The following TPTE2 variants were observed in gnomAD, a reference collection of about 807,000 sequenced individuals.
TPTE2 encodes phosphatidylinositol 3,4,5-trisphosphate 3-phosphatase TPTE2.
In TPTE2, 53 loss-of-function variants were observed where a neutral mutation model predicts 78.6. That is an observed-to-expected ratio of 0.67 (90% CI 0.54 to 0.85). TPTE2 has a LOEUF of 0.85. Ranked by LOEUF, TPTE2 falls within the 40% of genes least tolerant of loss-of-function variation. The probability of loss-of-function intolerance (pLI) is 0.00; values close to 1 mark genes in which losing one functional copy is unlikely to be tolerated. For synonymous variants in TPTE2, 175 were observed against 206.2 expected (o/e 0.85, Z 1.30); for missense variants, 461 against 623.0 (o/e 0.74, Z 2.77).
chr13:19,448,427 G>C (rs530089512), intron 13 of TPTE2, among the ~76,000 whole-genome samples: 1 of 152,056 alleles, frequency 6.6e-6, no homozygotes, highest in Non-Finnish European at 1.5e-5. Context: ...GCATACATTC[G>C]ATAATAGGTT....
chr13:19,539,986 A>G (rs975863945), upstream of TPTE2, among the ~76,000 whole-genome samples: 7 of 152,086 alleles, frequency 4.6e-5, no homozygotes, highest in Non-Finnish European at 1.0e-4. Flanking sequence ...CTCTACTAAA[A>G]GTGCAAAATT....
chr13:19,432,610 G>A (rs779987289), intron 15 of TPTE2, 32 bp from the exon 19 acceptor site: 5 of 1,416,410 alleles, frequency 3.5e-6, no homozygotes, highest in Non-Finnish European at 4.9e-6. Context: ...CCTTTAAGTG[G>A]AGATGAAAAG....
chr13:19,535,522 T>C lies in TPTE2; in HGVS notation c.-44+1074A>G, dbSNP rs953236459. 6.6e-6 allele frequency among the ~76,000 whole-genome samples: 1 copy of C among 151,956 alleles called. No individual in the cohort carries two copies. The highest frequency in any genetic ancestry group is 2.4e-5 in the African/African-American group (1 of 41,418). On this transcript the variant is annotated intron_variant, in intron 1 of 17. Coordinates refer to the TPTE2 transcript ENST00000390680. The surrounding 1 kb of genome is among the most constrained non-coding windows in gnomAD (Gnocchi z 5.1). ...AAACAAAGCAAAACCAAAACAAAAC[T>C]CTATAGAAAGATATTATAAAATCAA...
At chr13:19,500,920 A>G in intron 1 of TPTE2, among the ~76,000 whole-genome samples, 1 of 144,322 alleles carries the variant, frequency 6.9e-6, no homozygotes, top group Non-Finnish European at 1.5e-5. Context: ...TCAGCCCAAA[A>G]TCTCCTTAAG....
intron 6 of TPTE2, 23 bp from the exon 10 acceptor site, chr13:19,467,367 AAAAAGTTCAT>A (rs1438912303): frequency 6.1e-6 from 9 of 1,468,200 alleles, no homozygotes; most frequent in Non-Finnish European, 8.1e-6. Flanking sequence ...AAAAAAAAAA[AAAAAGTTCAT>A]TTCCCTCTGC....
At chr13:19,560,807 C>G in the TPTE2 span, 1 of 1,503,116 alleles carries the variant, frequency 6.7e-7, no homozygotes, top group Non-Finnish European at 9.1e-7. Context: ...TGTACTCCCG[C>G]CCACCCCGGA....
the TPTE2 span, among the ~76,000 whole-genome samples, chr13:19,561,449 T>C: frequency 6.6e-6 from 1 of 151,918 alleles, no homozygotes; most frequent in Non-Finnish European, 1.5e-5. Context: ...GGAAGTTGCC[T>C]AAAGTTGCTA....
intron 6 of TPTE2, among the ~76,000 whole-genome samples, chr13:19,468,542 T>C (rs1879428934): frequency 6.6e-6 from 1 of 152,168 alleles, no homozygotes; most frequent in Non-Finnish European, 1.5e-5. Flanking sequence ...AGCAGTGGGA[T>C]TGCTGGATCA....
chr13:19,431,100 C>T (rs1167145230), intron 16 of TPTE2, among the ~76,000 whole-genome samples: 2 of 150,286 alleles, frequency 1.3e-5, no homozygotes, highest in Non-Finnish European at 3.0e-5. Context: ...GCACTCCAGC[C>T]TGGGTGACAG....
chr13:19,460,931 T>C (rs1878849118), intron 10 of TPTE2, among the ~76,000 whole-genome samples: 1 of 152,160 alleles, frequency 6.6e-6, no homozygotes, highest in African/African-American at 2.4e-5. Context: ...AGAATACACA[T>C]TTTGGGTTAT....
At chr13:19,429,537 T>C (rs1876397859) in intron 17 of TPTE2, among the ~76,000 whole-genome samples, 1 of 152,216 alleles carries the variant, frequency 6.6e-6, no homozygotes, top group African/African-American at 2.4e-5. Flanking sequence ...ACTCAGTGGG[T>C]GCTCATAAAT....
chr13:19,433,654 G>C (rs1876848570), intron 15 of TPTE2, among the ~76,000 whole-genome samples: 1 of 152,186 alleles, frequency 6.6e-6, no homozygotes, highest in African/African-American at 2.4e-5. Flanking sequence ...CCTTAACTTA[G>C]GAGTAGATGT....
rs772565693 is a variant in TPTE2 at position 19,475,628 on chromosome 13, A to C, written c.180-5T>G. ...ACAATTTTCTTAATCTTGCTGCTGC[A>C]AAAAGAAGTAAAAATAAAATTAACC... is the stretch of plus-strand genomic sequence containing the variant. On this transcript the variant is annotated splice_region_variant and splice_polypyrimidine_tract_variant and intron_variant, in intron 4 of 19. Transcript: ENST00000400230. 3.1e-6 allele frequency: 5 copies of C among 1,607,144 alleles called. No homozygotes were observed. The Admixed American group carries it at 8.4e-5, about 27-fold the overall frequency.
chr13:19,483,875 C>T (rs1313225238), intron 3 of TPTE2, among the ~76,000 whole-genome samples: 2 of 151,818 alleles, frequency 1.3e-5, no homozygotes, highest in Non-Finnish European at 2.9e-5. Flanking sequence ...GTGTGCTGTG[C>T]CCATTAACTC....
At chr13:19,483,012 C>CA (rs1880451494) in intron 3 of TPTE2, among the ~76,000 whole-genome samples, 1 of 152,200 alleles carries the variant, frequency 6.6e-6, no homozygotes, top group African/African-American at 2.4e-5. Context: ...GTTAAGTTTG[C>CA]AATGGCATTA....
chr13:19,555,122 GCT>G, the TPTE2 span, among the ~76,000 whole-genome samples: 1 of 152,138 alleles, frequency 6.6e-6, no homozygotes, highest in Non-Finnish European at 1.5e-5. Context: ...TATGCCTGAC[GCT>G]CTCTCAGATT....
the TPTE2 span, among the ~76,000 whole-genome samples, chr13:19,544,623 C>T: frequency 2.0e-5 from 3 of 152,240 alleles, no homozygotes; most frequent in Non-Finnish European, 2.9e-5. Flanking sequence ...AGGCCAGGCA[C>T]GGTGGCTCAT....
intron 6 of TPTE2, among the ~76,000 whole-genome samples, chr13:19,473,280 T>C (rs1879735488): frequency 6.6e-6 from 1 of 152,240 alleles, no homozygotes; most frequent in Non-Finnish European, 1.5e-5. Flanking sequence ...CAGGCCTGTG[T>C]CCTTCCCTTC....
intron 1 of TPTE2, among the ~76,000 whole-genome samples, chr13:19,525,125 T>C (rs993364362): frequency 3.7e-4 from 57 of 152,122 alleles, no homozygotes; most frequent in African/African-American, 1.3e-3. Flanking sequence ...GTGAGAGATG[T>C]TGAGGGCCTG....
Sources: allele counts gnomAD v4.1 joint callset (sites outside exome capture counted in the v4.1 genomes callset), GRCh38; gene constraint gnomAD v4.1.1; non-coding constraint Gnocchi (gnomAD v3.1); transcripts MANE v1.5; gene names NCBI Gene and HGNC (gene_info 2026-07-23, HGNC 2026-07-21).